PALLD: variants seen among roughly 807,000 people sequenced by gnomAD.
PALLD encodes the protein palladin, cytoskeletal associated protein, also known as palladin.
PALLD carries 61 observed loss-of-function variants against 123.5 expected under a neutral mutation model. The ratio of observed to expected loss-of-function variants is 0.49; its 90% CI spans 0.40 to 0.61. The LOEUF (loss-of-function observed/expected upper bound fraction) is 0.61. Ranked by LOEUF, PALLD falls within the 20% of genes least tolerant of loss-of-function variation. The probability of loss-of-function intolerance (pLI) is 0.00; values close to 1 mark genes in which losing one functional copy is unlikely to be tolerated. For synonymous variants in PALLD, 465 were observed against 496.4 expected (o/e 0.94, Z 0.84); for missense variants, 1,273 against 1,377.0 (o/e 0.92, Z 1.20).
chr4:168,923,555 C>G (rs930504611), intron 18 of PALLD, among the ~76,000 whole-genome samples: 17 of 151,478 alleles, frequency 1.1e-4, no homozygotes, highest in African/African-American at 4.1e-4. Flanking sequence ...AACAATCAGT[C>G]CTGAATTTTT....
At chr4:168,601,128 G>A (rs1772601295) in intron 2 of PALLD, among the ~76,000 whole-genome samples, 1 of 151,844 alleles carries the variant, frequency 6.6e-6, no homozygotes, top group South Asian at 2.1e-4. Flanking sequence ...TTAGCTAGTT[G>A]TAACATAGGT....
At chr4:168,879,494 T>C (rs1049578654) in intron 10 of PALLD, among the ~76,000 whole-genome samples, 1 of 152,220 alleles carries the variant, frequency 6.6e-6, no homozygotes, top group African/African-American at 2.4e-5. Context: ...AAGAAGGAAC[T>C]CTACTAAACA....
At chr4:168,765,398 A>G (rs1733528067) in intron 10 of PALLD, among the ~76,000 whole-genome samples, 1 of 152,162 alleles carries the variant, frequency 6.6e-6, no homozygotes, top group Non-Finnish European at 1.5e-5. Flanking sequence ...GGGAAAGGGA[A>G]CACAAGGGTA....
chr4:168,792,145 C>T (rs1434153959), intron 10 of PALLD, among the ~76,000 whole-genome samples: 3 of 152,090 alleles, frequency 2.0e-5, no homozygotes, highest in Non-Finnish European at 4.4e-5. Flanking sequence ...AGCAGAGATT[C>T]GTACCTCTGT....
chr4:168,840,105 G>T (rs1745822149), intron 10 of PALLD, among the ~76,000 whole-genome samples: 1 of 149,912 alleles, frequency 6.7e-6, no homozygotes, highest in Non-Finnish European at 1.5e-5. Context: ...GGAAGATGTA[G>T]ATTTTTTTTA....
chr4:168,709,234 G>A (rs1038134692), intron 9 of PALLD, 87 bp downstream of exon 9: 1 of 1,398,450 alleles, frequency 7.2e-7, no homozygotes, highest in Non-Finnish European at 1.0e-6. Context: ...TCCTGGCCAG[G>A]TGCAGTGGCT....
intron 2 of PALLD, among the ~76,000 whole-genome samples, chr4:168,639,995 T>C (rs552840893): frequency 6.6e-6 from 1 of 152,344 alleles, no homozygotes; most frequent in South Asian, 2.1e-4. Flanking sequence ...TGTTGAACTA[T>C]ATCCAAGTGC....
intron 3 of PALLD, 26 bp downstream of exon 3, chr4:168,668,394 G>T: frequency 3.2e-6 from 5 of 1,565,446 alleles, no homozygotes; most frequent in Non-Finnish European, 4.3e-6. Flanking sequence ...TGGTAATGGG[G>T]GATAAAGGGG....
chr4:168,585,030 A>G (rs1056298182), intron 2 of PALLD, among the ~76,000 whole-genome samples: 1 of 152,184 alleles, frequency 6.6e-6, no homozygotes, highest in African/African-American at 2.4e-5. Flanking sequence ...ATTTATGATA[A>G]AAATTTGACT....
chr4:168,666,110 G>A (rs1938758344), intron 2 of PALLD, among the ~76,000 whole-genome samples: 1 of 152,080 alleles, frequency 6.6e-6, no homozygotes, highest in African/African-American at 2.4e-5. Context: ...TATAAAAACA[G>A]GCAGTAGGCT....
intron 10 of PALLD, among the ~76,000 whole-genome samples, chr4:168,761,733 A>G (rs903072551): frequency 3.6e-5 from 5 of 140,840 alleles, no homozygotes; most frequent in Non-Finnish European, 6.0e-5. Context: ...GCTGATCTCA[A>G]ACTCCTGGGC....
At chr4:168,614,093 T>G (rs757919520) in intron 2 of PALLD, among the ~76,000 whole-genome samples, 1 of 152,224 alleles carries the variant, frequency 6.6e-6, no homozygotes, top group Non-Finnish European at 1.5e-5. Flanking sequence ...CGCCTTCACT[T>G]TAGCAGAGAA....
At chr4:168,788,193 A>G (rs892734538) in intron 10 of PALLD, among the ~76,000 whole-genome samples, 1 of 151,932 alleles carries the variant, frequency 6.6e-6, no homozygotes, top group African/African-American at 2.4e-5. Context: ...GTACTAAATC[A>G]CAACCCAGGA....
At chr4:168,697,797 A>G (rs2150146884) in intron 8 of PALLD, among the ~76,000 whole-genome samples, 1 of 152,360 alleles carries the variant, frequency 6.6e-6, no homozygotes, top group South Asian at 2.1e-4. Context: ...CCAAATGCTT[A>G]GCATTCCAAT....
At chr4:168,691,181 A>G in intron 7 of PALLD, 88 bp from the exon 8 acceptor site, 1 of 896,460 alleles carries the variant, frequency 1.1e-6, no homozygotes. Flanking sequence ...AGACAAGGTA[A>G]TGGAAAGGAA....
intron 1 of PALLD, chr4:168,504,706 G>A (rs1215295825): frequency 2.0e-5 from 3 of 152,164 alleles, no homozygotes; most frequent in East Asian, 3.9e-4. Context: ...AAAAGAAGAA[G>A]ACAGAAGAAT....
chr4:168,697,161 A>G (rs1350093167), intron 8 of PALLD, among the ~76,000 whole-genome samples: 1 of 152,250 alleles, frequency 6.6e-6, no homozygotes, highest in Non-Finnish European at 1.5e-5. Flanking sequence ...CAAGAACTTC[A>G]AAATTGTGAA....
chr4:168,761,695 A>G (rs1264429145), intron 10 of PALLD, among the ~76,000 whole-genome samples: 2 of 64,468 alleles, frequency 3.1e-5, no homozygotes, highest in Non-Finnish European at 6.3e-5. Flanking sequence ...TTGTTTTGGT[A>G]GAGACGGGGT....
chr4:168,565,048 C>T (rs1768236209), intron 2 of PALLD, among the ~76,000 whole-genome samples: 1 of 149,686 alleles, frequency 6.7e-6, no homozygotes, highest in African/African-American at 2.5e-5. Flanking sequence ...AAAAAATTCG[C>T]TGGGCATGGT....
Sources: gnomAD v4.1 joint callset for allele counts (sites outside exome capture counted in the v4.1 genomes callset) on GRCh38, gnomAD v4.1.1 for gene constraint, MANE v1.5 for transcripts, NCBI Gene and HGNC (gene_info 2026-07-23, HGNC 2026-07-21) for gene names.